Variants in IKZF2 observed in about 807,000 individuals in gnomAD.
The protein encoded by IKZF2 is zinc finger protein Helios.
IKZF2 carries 15 observed loss-of-function variants against 49.2 expected under a neutral mutation model. That is an observed-to-expected ratio of 0.30 (90% CI 0.20 to 0.47). The LOEUF is 0.47. IKZF2 is among the 20% of genes least tolerant of loss of function. IKZF2 has a pLI of 1.00. For missense variants in IKZF2, 567 were observed against 664.6 expected (o/e 0.85, Z 1.61); for synonymous variants, 227 against 221.4 (o/e 1.03, Z -0.23).
At chr2:213,066,411 G>T (rs886278998) in intron 4 of IKZF2, among the ~76,000 whole-genome samples, 3 of 152,026 alleles carry the variant, frequency 2.0e-5, no homozygotes, top group African/African-American at 7.2e-5. Flanking sequence ...AACCCAACAG[G>T]TTTCCATACC....
chr2:213,034,404 A>C (rs1021880589), intron 6 of IKZF2, among the ~76,000 whole-genome samples: 4 of 152,210 alleles, frequency 2.6e-5, no homozygotes, highest in African/African-American at 7.2e-5. Flanking sequence ...TACCTTCCTC[A>C]CTAAGCCTCA....
rs186519599 is a variant in IKZF2 at position 213,067,079 on chromosome 2, T to C, written c.140-9980A>G. Among the ~76,000 whole-genome samples, 313 of 152,240 alleles carry C rather than the reference T, an allele frequency of 2.1e-3. 2 individuals carry two copies. The highest frequency in any genetic ancestry group is 7.3e-3 in the African/African-American group (303 of 41,578). On this transcript the variant is annotated intron_variant, in intron 4 of 8. Transcript: ENST00000434687. ...TGGAGTTTAAGGCCAGGTTCGTTCA[T>C]TTATAAGTCACATGACCTTAGGAAA...
intron 4 of IKZF2, among the ~76,000 whole-genome samples, chr2:213,084,475 T>C (rs1704330726): frequency 6.6e-6 from 1 of 152,194 alleles, no homozygotes; most frequent in Non-Finnish European, 1.5e-5. Flanking sequence ...TAGTAATCAT[T>C]TTTATTATGG....
At chr2:213,079,783 G>A (rs914244404) in intron 4 of IKZF2, among the ~76,000 whole-genome samples, 2 of 152,060 alleles carry the variant, frequency 1.3e-5, no homozygotes, top group Non-Finnish European at 2.9e-5. Context: ...TTTTCCCAAA[G>A]TGCTACCCAC....
At chr2:213,102,196 T>C (rs1007765305) in intron 4 of IKZF2, among the ~76,000 whole-genome samples, 1 of 152,180 alleles carries the variant, frequency 6.6e-6, no homozygotes, top group Admixed American at 6.6e-5. Flanking sequence ...ATCTTTGAGA[T>C]GGGACAGATG....
At chr2:213,013,366 C>A (rs919719709) in intron 8 of IKZF2, among the ~76,000 whole-genome samples, 22 of 150,824 alleles carry the variant, frequency 1.5e-4, no homozygotes, top group African/African-American at 4.6e-4. Context: ...ACATGCTTAG[C>A]GTTCCAATAA....
intron 5 of IKZF2, among the ~76,000 whole-genome samples, chr2:213,056,372 G>A (rs1047602901): frequency 1.3e-5 from 2 of 152,124 alleles, no homozygotes; most frequent in Admixed American, 1.3e-4. Flanking sequence ...TGGTAGGATA[G>A]GCAGAGATCA....
intron 4 of IKZF2, among the ~76,000 whole-genome samples, chr2:213,103,398 C>T (rs192956124): frequency 2.6e-5 from 4 of 152,194 alleles, no homozygotes; most frequent in Admixed American, 1.3e-4. Context: ...GAATACTTAT[C>T]AAAGATAATC....
At chr2:213,102,905 G>T (rs928363304) in intron 4 of IKZF2, among the ~76,000 whole-genome samples, 1 of 151,944 alleles carries the variant, frequency 6.6e-6, no homozygotes, top group African/African-American at 2.4e-5. Context: ...ATTGTAAAAA[G>T]GTTCCTTTTT....
At position 213,062,308 on chromosome 2, in the gene IKZF2, T is replaced by C. The variant is rs374059442; in HGVS notation, c.140-5209A>G. Among the ~76,000 whole-genome samples, 7 of 151,752 alleles carry C rather than the reference T, an allele frequency of 4.6e-5. No homozygotes were observed. The East Asian group carries it at 7.8e-4, about 17-fold the overall frequency. ...TTAATATGACCTGATTCTACTAATC[T>C]ACAAACAAGTTAGTCAAGTTTCCTA... is the stretch of plus-strand genomic sequence containing the variant. On this transcript the variant is annotated intron_variant, in intron 4 of 8. Coordinates refer to ENST00000434687, the MANE Select transcript of IKZF2 (RefSeq NM_001387220.1).
chr2:213,146,509 A>G (rs1181724458), intron 4 of IKZF2, among the ~76,000 whole-genome samples: 1 of 152,072 alleles, frequency 6.6e-6, no homozygotes, highest in Non-Finnish European at 1.5e-5. Flanking sequence ...ACTCAATCAT[A>G]ATTTCAAGTC....
intron 4 of IKZF2, among the ~76,000 whole-genome samples, chr2:213,124,512 C>T (rs1031190545): frequency 6.6e-6 from 1 of 152,194 alleles, no homozygotes; most frequent in African/African-American, 2.4e-5. Flanking sequence ...GTCTGCAAAC[C>T]ATCCCGTTCC....
chr2:213,094,458 T>C (rs1009735166), intron 4 of IKZF2, among the ~76,000 whole-genome samples: 7 of 152,110 alleles, frequency 4.6e-5, no homozygotes, highest in African/African-American at 2.4e-5. Context: ...TAAGTACTAT[T>C]TGCTGGTGTA....
chr2:213,083,452 G>A (rs1353008067), intron 4 of IKZF2, among the ~76,000 whole-genome samples: 1 of 140,438 alleles, frequency 7.1e-6, no homozygotes, highest in Admixed American at 7.4e-5. Flanking sequence ...GTGCAATGGC[G>A]CAATCTTGGC....
intron 4 of IKZF2, among the ~76,000 whole-genome samples, chr2:213,111,964 C>T (rs891094855): frequency 2.0e-5 from 3 of 152,036 alleles, no homozygotes; most frequent in Non-Finnish European, 4.4e-5. Flanking sequence ...TTAGAAACTG[C>T]CTCTTCTTTT....
At chr2:213,017,854 CA>C (rs1431143211) in intron 7 of IKZF2, among the ~76,000 whole-genome samples, 2 of 152,010 alleles carry the variant, frequency 1.3e-5, no homozygotes, top group Non-Finnish European at 2.9e-5. Context: ...TAAATAACCT[CA>C]GGGGTTGCAT....
intron 4 of IKZF2, among the ~76,000 whole-genome samples, chr2:213,103,735 CTATTT>C (rs2059426025): frequency 6.6e-6 from 1 of 152,010 alleles, no homozygotes; most frequent in South Asian, 2.1e-4. Flanking sequence ...TACAAATAAG[CTATTT>C]TAAAGTCTAT....
chr2:213,149,745 T>G (rs1575015085), intron 2 of IKZF2, among the ~76,000 whole-genome samples: 2 of 129,422 alleles, frequency 1.5e-5, no homozygotes, highest in African/African-American at 3.0e-5. Flanking sequence ...CCCTTCTCCC[T>G]CCCCTCCCCT....
At chr2:213,054,549 T>C (rs1188851961) in intron 5 of IKZF2, among the ~76,000 whole-genome samples, 1 of 152,280 alleles carries the variant, frequency 6.6e-6, no homozygotes, top group East Asian at 1.9e-4. Flanking sequence ...ATAAACTGGA[T>C]CATCAGAAAT....
Sources: allele counts gnomAD v4.1 joint callset (sites outside exome capture counted in the v4.1 genomes callset), GRCh38; gene constraint gnomAD v4.1.1; transcripts MANE v1.5; gene names NCBI Gene and HGNC (gene_info 2026-07-23, HGNC 2026-07-21).